RNF144B: variants seen among roughly 807,000 people sequenced by gnomAD.
RNF144B encodes ring finger protein 144B, also known as E3 ubiquitin-protein ligase RNF144B.
RNF144B carries 25 observed loss-of-function variants against 40.2 expected under a neutral mutation model. The ratio of observed to expected loss-of-function variants is 0.62; its 90% CI spans 0.45 to 0.87. RNF144B has a LOEUF of 0.87. Among genes scored for constraint, RNF144B ranks in the 40% least tolerant of loss-of-function variants. RNF144B has a pLI of 0.00. For missense variants in RNF144B, 365 were observed against 373.7 expected, an observed-to-expected ratio of 0.98 and a Z score of 0.19; for synonymous variants, 145 against 136.3, an observed-to-expected ratio of 1.06 and a Z score of -0.44.
Position 18,387,420 on chromosome 6 carries a change from C to G in RNF144B, c.-247C>G, listed in dbSNP as rs769216934. On this transcript the variant is annotated 5_prime_UTR_variant, in exon 1 of 8. Coordinates refer to ENST00000259939, the MANE Select transcript of RNF144B (RefSeq NM_182757.4). Reference sequence around the variant, plus strand: ...CTGCCAGTCAAGGCTAGGAGGCGGTCGGGGACTCCGCCTCCTCCCGACCCG... The same window carrying G: ...CTGCCAGTCAAGGCTAGGAGGCGGTGGGGGACTCCGCCTCCTCCCGACCCG... 8.5e-7 allele frequency: 1 copy of G among 1,181,700 alleles called. No individual in the cohort carries two copies. The highest frequency in any genetic ancestry group is 1.1e-6 in the Non-Finnish European group (1 of 932,274). 73.2% of individuals were successfully genotyped at this position (1,181,700 alleles called of 1,614,324 possible). A position where few individuals can be genotyped will look rare whatever the true frequency, so the allele number is the denominator to read the frequency against.
At chr6:18,421,273 TACACACACACACAC>T (rs1170609706) in intron 2 of RNF144B, among the ~76,000 whole-genome samples, 33 of 102,306 alleles carry the variant, frequency 3.2e-4, no homozygotes, top group Admixed American at 2.0e-3. Flanking sequence ...TTATATATTA[TACACACACACACAC>T]ACACACACAC....
At position 18,467,579 on chromosome 6, in the gene RNF144B, C is replaced by T. The variant is rs1005223894; in HGVS notation, c.*2512C>T. The T allele has an allele frequency of 6.6e-6, 1 of 151,588 alleles. No individual in the cohort carries two copies. Among genetic ancestry groups the T allele is most frequent in the Admixed American group, 6.6e-5 (1 of 15,218 alleles). 9.4% of individuals were successfully genotyped at this position (151,588 alleles called of 1,614,324 possible). ...AGGTTGGTTAAACATATCTCTGGTA[C>T]ATCAAGGGGCATGATACAAACCAGT... On this transcript the variant is annotated 3_prime_UTR_variant, in exon 8 of 8. Coordinates refer to ENST00000259939, the MANE Select transcript of RNF144B (RefSeq NM_182757.4).
chr6:18,454,110 T>A (rs1326821009), intron 4 of RNF144B, among the ~76,000 whole-genome samples: 1 of 152,154 alleles, frequency 6.6e-6, no homozygotes, highest in Non-Finnish European at 1.5e-5. Flanking sequence ...TGCAAGATTG[T>A]TTTGATGATC....
Position 18,442,845 on chromosome 6 carries a change from C to T in RNF144B, c.331+3101C>T, listed in dbSNP as rs983589312. On this transcript the variant is annotated intron_variant, in intron 4 of 7. Transcript: ENST00000259939. The surrounding 1 kb of genome is among the most constrained non-coding windows in gnomAD (Gnocchi z 4.3). ...TACTTAATATATGTTTTTCAAAGTTCCATTCCTGTAGTAGCAGGTATAAGA... is the reference window on the plus strand; with the variant it reads ...TACTTAATATATGTTTTTCAAAGTTTCATTCCTGTAGTAGCAGGTATAAGA... Among the ~76,000 whole-genome samples the T allele has an allele frequency of 2.0e-5, 3 of 152,114 alleles. No homozygotes were observed. The highest frequency in any genetic ancestry group is 4.4e-5 in the Non-Finnish European group (3 of 68,010).
At chr6:18,451,905 T>C (rs1759216638) in intron 4 of RNF144B, among the ~76,000 whole-genome samples, 1 of 152,264 alleles carries the variant, frequency 6.6e-6, no homozygotes, top group Non-Finnish European at 1.5e-5. Context: ...GTTTAAGTGC[T>C]ATATGGAAAG....
At chr6:18,461,623 G>A (rs979562085) in intron 6 of RNF144B, among the ~76,000 whole-genome samples, 5 of 152,192 alleles carry the variant, frequency 3.3e-5, no homozygotes, top group Admixed American at 3.3e-4. Context: ...AGATGAAATG[G>A]TGCAGATGTT....
At chr6:18,430,849 A>G (rs1251123181) in intron 3 of RNF144B, among the ~76,000 whole-genome samples, 25 of 151,714 alleles carry the variant, frequency 1.6e-4, no homozygotes, top group Admixed American at 6.6e-5. Context: ...TCCCCACTCT[A>G]TCCCTTCTCT....
chr6:18,413,630 C>G (rs905903057), intron 2 of RNF144B, among the ~76,000 whole-genome samples: 2 of 152,214 alleles, frequency 1.3e-5, no homozygotes, highest in Non-Finnish European at 2.9e-5. Context: ...CAAGGCCAGG[C>G]ATTCTGCCTC....
Position 18,457,051 on chromosome 6 carries a change from ACT to A in RNF144B, c.332-101_332-100del, listed in dbSNP as rs1759344918. ...ACTCCAGCCTGGGCGACAGAGTGAG[ACT>A]CTGGTTCCAAATAAATTAAATAAAT... On this transcript the variant is annotated intron_variant, in intron 4 of 7. Coordinates refer to ENST00000259939, the MANE Select transcript of RNF144B (RefSeq NM_182757.4). The surrounding 1 kb of genome is among the most constrained non-coding windows in gnomAD (Gnocchi z 5.1). 5.2e-6 allele frequency: 5 copies of A among 959,072 alleles called. No individual in the cohort carries two copies. Among genetic ancestry groups the A allele is most frequent in the Admixed American group, 1.7e-5 (1 of 57,918 alleles). 59.4% of individuals were successfully genotyped at this position (959,072 alleles called of 1,614,324 possible). A position where few individuals can be genotyped will look rare whatever the true frequency, so the allele number is the denominator to read the frequency against.
rs1165310772 is a variant in RNF144B at position 18,419,705 on chromosome 6, GTTGGGATGGGA to G, written c.166-7871_166-7861del. Among the ~76,000 whole-genome samples the G allele has an allele frequency of 3.3e-5, 5 of 152,278 alleles. No homozygotes were observed. The highest frequency in any genetic ancestry group is 6.5e-5 in the Admixed American group (1 of 15,290). On this transcript the variant is annotated intron_variant, in intron 2 of 7. Coordinates refer to ENST00000259939, the MANE Select transcript of RNF144B (RefSeq NM_182757.4). The surrounding 1 kb of genome is among the most constrained non-coding windows in gnomAD (Gnocchi z 4.6). ...CACTTCAGTTGAGTGGCAGGGAGGA[GTTGGGATGGGA>G]TTGGTGAAGGAGTGAGGGAAGACAA...
chr6:18,411,773 C>G (rs1421312437), intron 2 of RNF144B, among the ~76,000 whole-genome samples: 1 of 151,944 alleles, frequency 6.6e-6, no homozygotes, highest in Admixed American at 6.6e-5. Context: ...GGATTACAGG[C>G]GTGAGCCACC....
chr6:18,403,227 C>T (rs1039304163), intron 2 of RNF144B, among the ~76,000 whole-genome samples: 1 of 152,168 alleles, frequency 6.6e-6, no homozygotes, highest in Non-Finnish European at 1.5e-5. Context: ...GAAATAAATT[C>T]ACAAGTCAGT....
intron 3 of RNF144B, among the ~76,000 whole-genome samples, chr6:18,439,276 C>G (rs1443079227): frequency 6.6e-6 from 1 of 152,124 alleles, no homozygotes; most frequent in Non-Finnish European, 1.5e-5. Flanking sequence ...GTCTACCTGA[C>G]TTTAGTTTTT....
chr6:18,451,991 T>C (rs1759218403), intron 4 of RNF144B, among the ~76,000 whole-genome samples: 1 of 152,138 alleles, frequency 6.6e-6, no homozygotes, highest in Admixed American at 6.5e-5. Flanking sequence ...TATGGTCTAA[T>C]AGAAATCATA....
At position 18,410,967 on chromosome 6, in the gene RNF144B, TTTTC is replaced by T. The variant is rs1194453517; in HGVS notation, c.165+11272_165+11275del. On this transcript the variant is annotated intron_variant, in intron 2 of 7. Coordinates refer to ENST00000259939, the MANE Select transcript of RNF144B (RefSeq NM_182757.4). The surrounding 1 kb of genome is among the most constrained non-coding windows in gnomAD (Gnocchi z 4.6). ...TCCATTTGGGATACTGTCAGCTTTC[TTTTC>T]TTTTTTTTTCTTCTTTTCTTTTCTT... 6.8e-6 allele frequency among the ~76,000 whole-genome samples: 1 copy of T among 147,254 alleles called. No individual in the cohort carries two copies. The highest frequency in any genetic ancestry group is 1.5e-5 in the Non-Finnish European group (1 of 67,214).
chr6:18,427,664 C>A lies in RNF144B; in HGVS notation c.249C>A (p.His83Gln), dbSNP rs756555638. ...ITCPDMVCLN[H>Q]GTLQEAEIAC... ...GCCCTGACATGGTGTGCCTAAACCA[C>A]GGGACCCTGCAGGAAGCTGAGGTAT... Residue 83 changes from histidine (H) to glutamine (Q), a missense_variant, in exon 3 of 8, where the codon CAC (histidine) becomes CAA (glutamine). Physicochemically the swap from His to Gln is conservative, Grantham distance 24. Coordinates refer to ENST00000259939, the MANE Select transcript of RNF144B (RefSeq NM_182757.4). 2 of 1,612,224 alleles carry A rather than the reference C, an allele frequency of 1.2e-6. No individual in the cohort carries two copies. The highest frequency in any genetic ancestry group is 1.3e-5 in the African/African-American group (1 of 74,974).
rs1415561987 is a variant in RNF144B at position 18,450,880 on chromosome 6, T to TTA, written c.332-6273_332-6272dup. Among the ~76,000 whole-genome samples, 66 of 152,350 alleles carry TTA rather than the reference T, an allele frequency of 4.3e-4. No homozygotes were observed. The highest frequency in any genetic ancestry group is 1.5e-3 in the African/African-American group (61 of 41,578). On this transcript the variant is annotated intron_variant, in intron 4 of 7. Transcript: ENST00000259939. This position sits in a 1 kb window ranked among gnomAD's most constrained non-coding sequence, Gnocchi z 4.7. Reference sequence around the variant, plus strand: ...AAAAAAGATCTGTTGATATGGTGCTTTATCTCTTTGTAATCTAATGTCATT... The same window carrying TTA: ...AAAAAAGATCTGTTGATATGGTGCTTTATATCTCTTTGTAATCTAATGTCATT...
rs991610124 is a variant in RNF144B, at chr6:18,444,160, T to G, written c.331+4416T>G. 2.6e-5 allele frequency among the ~76,000 whole-genome samples: 4 copies of G among 152,206 alleles called. No individual in the cohort carries two copies. The highest frequency in any genetic ancestry group is 9.6e-5 in the African/African-American group (4 of 41,456). On this transcript the variant is annotated intron_variant, in intron 4 of 7. Coordinates refer to ENST00000259939, the MANE Select transcript of RNF144B (RefSeq NM_182757.4). This position sits in a 1 kb window ranked among gnomAD's most constrained non-coding sequence, Gnocchi z 4.3. ...ATGTCTTTAAGTCTGACGGAAAATA[T>G]TTTGAATAGGATTGCACAAAAATCA...
chr6:18,446,840 GGTGTGT>G lies in RNF144B; in HGVS notation c.331+7125_331+7130del, dbSNP rs70974744. 0.032 allele frequency among the ~76,000 whole-genome samples: 4,788 copies of G among 147,974 alleles called. 245 individuals are homozygous for G. The highest frequency in any genetic ancestry group is 0.11 in the African/African-American group (4,556 of 39,984). Reference sequence around the variant, plus strand: ...TAAAGTTTTATTGGTTCTATTTTAGGGTGTGTGTGTGTGTGTGTGTGTGTGTGTGTG... The same window carrying G: ...TAAAGTTTTATTGGTTCTATTTTAGGGTGTGTGTGTGTGTGTGTGTGTGTG... On this transcript the variant is annotated intron_variant, in intron 4 of 7. Transcript: ENST00000259939. The surrounding 1 kb of genome is among the most constrained non-coding windows in gnomAD (Gnocchi z 4.7).
Sources: allele counts gnomAD v4.1 joint callset (sites outside exome capture counted in the v4.1 genomes callset), GRCh38; gene constraint gnomAD v4.1.1; non-coding constraint Gnocchi (gnomAD v3.1); transcripts MANE v1.5; gene names NCBI Gene and HGNC (gene_info 2026-07-23, HGNC 2026-07-21).